The following NELL2 variants were observed in gnomAD, a reference collection of about 807,000 sequenced individuals.
The protein encoded by NELL2 is neural EGFL like 2.
In NELL2, 41 loss-of-function variants were observed where a neutral mutation model predicts 109.6. That is an observed-to-expected ratio of 0.37 (90% CI 0.29 to 0.49). The LOEUF (loss-of-function observed/expected upper bound fraction) is 0.49. Ranked by LOEUF, NELL2 falls within the 20% of genes least tolerant of loss-of-function variation. NELL2 has a pLI of 0.98. For missense variants in NELL2, 900 were observed against 1,008.3 expected, an observed-to-expected ratio of 0.89 and a Z score of 1.45; for synonymous variants, 355 against 344.7, an observed-to-expected ratio of 1.03 and a Z score of -0.33.
chr12:44,741,064 C>T (rs186210079), intron 9 of NELL2, among the ~76,000 whole-genome samples: 8 of 152,252 alleles, frequency 5.3e-5, no homozygotes, highest in East Asian at 3.9e-4. Context: ...CATGGATTTT[C>T]GTTCCATTCT....
intron 1 of NELL2, among the ~76,000 whole-genome samples, chr12:44,903,231 C>T (rs956495900): frequency 4.6e-5 from 7 of 152,102 alleles, no homozygotes; most frequent in African/African-American, 1.7e-4. Flanking sequence ...GGGCAAAGGA[C>T]ATGAACAGAC....
chr12:44,859,607 T>C (rs147611219), intron 2 of NELL2, among the ~76,000 whole-genome samples: 4 of 152,254 alleles, frequency 2.6e-5, no homozygotes, highest in African/African-American at 9.6e-5. Context: ...ATGCCTCAGT[T>C]ATCAGTTAGT....
intron 15 of NELL2, among the ~76,000 whole-genome samples, chr12:44,541,250 C>CAAAAA (rs3071951): frequency 1.3e-5 from 1 of 78,902 alleles, no homozygotes; most frequent in Non-Finnish European, 2.3e-5. Context: ...GACTCCATCT[C>CAAAAA]AAAAAAAAAA....
chr12:44,707,107 C>T (rs148205563), intron 11 of NELL2, among the ~76,000 whole-genome samples: 42 of 152,226 alleles, frequency 2.8e-4, no homozygotes, highest in African/African-American at 1.0e-3. Context: ...AAAAGAATAA[C>T]CTCGTTATCA....
At chr12:44,576,190 G>A (rs1372647244) in intron 15 of NELL2, among the ~76,000 whole-genome samples, 1 of 152,202 alleles carries the variant, frequency 6.6e-6, no homozygotes, top group Non-Finnish European at 1.5e-5. Context: ...GCATCCCTGA[G>A]TAGATCAAAT....
upstream of NELL2, among the ~76,000 whole-genome samples, chr12:44,878,018 A>C (rs1348319480): frequency 6.6e-6 from 1 of 152,254 alleles, no homozygotes; most frequent in Non-Finnish European, 1.5e-5. Flanking sequence ...TAAATTTTAA[A>C]TAACGTAGCA....
At chr12:44,646,687 G>A (rs1342247928) in intron 13 of NELL2, among the ~76,000 whole-genome samples, 2 of 152,186 alleles carry the variant, frequency 1.3e-5, no homozygotes, top group African/African-American at 4.8e-5. Context: ...GTAGATAAGA[G>A]GGGACTACTG....
In NELL2 at chr12:44,650,258, C is replaced by T. The variant is rs1214352671; in HGVS notation, c.1444+15226G>A. 4.6e-5 allele frequency among the ~76,000 whole-genome samples: 7 copies of T among 151,534 alleles called. 1 individual carries two copies. Among genetic ancestry groups the T allele is most frequent in the Non-Finnish European group, 1.5e-5 (1 of 67,978 alleles). On this transcript the variant is annotated intron_variant, in intron 13 of 19. Transcript: ENST00000429094. ...ATTGAAGATATTGAAGAACAGACTGCCTGTTGTGGACTGAATGTCTTTACC... is the reference window on the plus strand; with the variant it reads ...ATTGAAGATATTGAAGAACAGACTGTCTGTTGTGGACTGAATGTCTTTACC...
intron 9 of NELL2, among the ~76,000 whole-genome samples, chr12:44,745,113 G>A (rs1284051012): frequency 6.6e-6 from 1 of 152,172 alleles, no homozygotes; most frequent in Non-Finnish European, 1.5e-5. Context: ...CCATAATCGA[G>A]TGGGCTTCAT....
At chr12:44,823,046 G>A (rs2136701569) in intron 2 of NELL2, among the ~76,000 whole-genome samples, 1 of 152,222 alleles carries the variant, frequency 6.6e-6, no homozygotes, top group Non-Finnish European at 1.5e-5. Flanking sequence ...AAACATGGGT[G>A]TTTACTGAAA....
At chr12:44,907,654 A>G (rs1945734449) in intron 1 of NELL2, among the ~76,000 whole-genome samples, 1 of 152,106 alleles carries the variant, frequency 6.6e-6, no homozygotes, top group South Asian at 2.1e-4. Flanking sequence ...AGGGAAGGAG[A>G]GAAGTACAAT....
At chr12:44,732,704 G>C (rs2136476819) in intron 9 of NELL2, among the ~76,000 whole-genome samples, 1 of 152,092 alleles carries the variant, frequency 6.6e-6, no homozygotes, top group Non-Finnish European at 1.5e-5. Flanking sequence ...AGAGAAACGG[G>C]ACTACAACAA....
chr12:44,755,436 C>T (rs180825736), intron 9 of NELL2, among the ~76,000 whole-genome samples: 1 of 152,170 alleles, frequency 6.6e-6, no homozygotes, highest in African/African-American at 2.4e-5. Context: ...GAAATCTGGT[C>T]ACAGTCTCTC....
chr12:44,633,181 G>A (rs2136288072), intron 13 of NELL2, among the ~76,000 whole-genome samples: 1 of 152,188 alleles, frequency 6.6e-6, no homozygotes, highest in Non-Finnish European at 1.5e-5. Flanking sequence ...AAAGGCAACA[G>A]TATAAAATGC....
chr12:44,550,488 G>C (rs1389449867), intron 15 of NELL2, among the ~76,000 whole-genome samples: 1 of 149,634 alleles, frequency 6.7e-6, no homozygotes, highest in South Asian at 2.1e-4. Flanking sequence ...AGGTTGCAGA[G>C]AGCTGAGACT....
In NELL2 at chr12:44,639,153, C is replaced by T. The variant is rs180679719; in HGVS notation, c.1444+26331G>A. ...TGTTTCCAGTGACTAGCCTATTGAG[C>T]GGCACAGGTCTAGACAGCTTATTCT... On this transcript the variant is annotated intron_variant, in intron 13 of 19. Coordinates refer to ENST00000429094, the MANE Select transcript of NELL2 (RefSeq NM_001145108.2). 3.0e-4 allele frequency among the ~76,000 whole-genome samples: 46 copies of T among 152,190 alleles called. No individual in the cohort carries two copies. The East Asian group carries it at 7.9e-3, about 26-fold the overall frequency.
At chr12:44,719,556 T>C (rs1318977773) in intron 9 of NELL2, among the ~76,000 whole-genome samples, 1 of 152,154 alleles carries the variant, frequency 6.6e-6, no homozygotes, top group Non-Finnish European at 1.5e-5. Context: ...TTAAAAATGA[T>C]TCCTTACAAA....
At chr12:44,656,730 G>A (rs1208276546) in intron 13 of NELL2, among the ~76,000 whole-genome samples, 1 of 152,140 alleles carries the variant, frequency 6.6e-6, no homozygotes, top group Non-Finnish European at 1.5e-5. Flanking sequence ...ATTGTCCCCA[G>A]TATTCTTACT....
At chr12:44,912,722 G>C (rs527990952) in intron 1 of NELL2, among the ~76,000 whole-genome samples, 1 of 152,044 alleles carries the variant, frequency 6.6e-6, no homozygotes, top group Admixed American at 6.6e-5. Context: ...TTATAAATTC[G>C]AATTGTTTAT....
Sources: allele counts gnomAD v4.1 joint callset (sites outside exome capture counted in the v4.1 genomes callset), GRCh38; gene constraint gnomAD v4.1.1; transcripts MANE v1.5; gene names NCBI Gene and HGNC (gene_info 2026-07-23, HGNC 2026-07-21).